The following CEP164 variants were observed in gnomAD, a reference collection of about 807,000 sequenced individuals.
CEP164 encodes centrosomal protein of 164 kDa.
Under a neutral mutation model 182.7 loss-of-function variants are expected in CEP164, and 162 were observed. The observed-to-expected ratio is 0.89, with a 90% CI of 0.78 to 1.01. CEP164 has a LOEUF of 1.01. Ranked by LOEUF, CEP164 falls within the 50% of genes least tolerant of loss-of-function variation. The pLI is 0.00. For missense variants in CEP164, 1,735 were observed against 1,790.4 expected (o/e 0.97, Z 0.56); for synonymous variants, 661 against 690.0 (o/e 0.96, Z 0.66).
intron 27 of CEP164, among the ~76,000 whole-genome samples, chr11:117,399,772 C>T (rs952279712): frequency 2.4e-4 from 36 of 152,078 alleles, no homozygotes; most frequent in African/African-American, 8.0e-4. Context: ...TTGTTGGCTG[C>T]GTAAATGTCT....
chr11:117,346,770 A>T (rs956320451), intron 4 of CEP164, among the ~76,000 whole-genome samples: 4 of 151,848 alleles, frequency 2.6e-5, no homozygotes, highest in African/African-American at 9.7e-5. Flanking sequence ...AAGTTGAGTT[A>T]GGAGGATCGC....
chr11:117,342,676 A>G (rs1046949225), intron 3 of CEP164, among the ~76,000 whole-genome samples: 4 of 151,788 alleles, frequency 2.6e-5, no homozygotes, highest in East Asian at 2.0e-4. Flanking sequence ...AGGTTTCTCC[A>G]TGTTGCCCAA....
At chr11:117,353,676 C>T (rs2039945382) in intron 5 of CEP164, among the ~76,000 whole-genome samples, 1 of 152,128 alleles carries the variant, frequency 6.6e-6, no homozygotes, top group Non-Finnish European at 1.5e-5. Flanking sequence ...AGGACAGGTG[C>T]CTCAAATGTG....
Position 117,411,220 on chromosome 11 carries a change from C to T in CEP164, c.4163+326C>T, listed in dbSNP as rs1246102624. 1 of 334,912 alleles carries T rather than the reference C, an allele frequency of 3.0e-6. No individual in the cohort carries two copies. Among genetic ancestry groups the T allele is most frequent in the African/African-American group, 2.1e-5 (1 of 48,552 alleles). The allele number at this position is 334,912 out of a possible 1,614,324, so 20.7% of individuals were successfully genotyped here. A position where few individuals can be genotyped will look rare whatever the true frequency, so the allele number is the denominator to read the frequency against. ...CCCTGCCCCCGCCCCTCCCTCTAGC[C>T]CCTCCAGCCCCGGAGTCTGGCCTTT... is the stretch of plus-strand genomic sequence containing the variant. On this transcript the variant is annotated intron_variant, in intron 31 of 32. Coordinates refer to ENST00000278935, the MANE Select transcript of CEP164 (RefSeq NM_014956.5). This position sits in a 1 kb window ranked among gnomAD's most constrained non-coding sequence, Gnocchi z 4.4.
intron 4 of CEP164, among the ~76,000 whole-genome samples, chr11:117,345,102 G>A (rs952201978): frequency 1.3e-5 from 2 of 152,194 alleles, no homozygotes. Context: ...ACCTATTCAT[G>A]AATAGGTTCA....
intron 5 of CEP164, among the ~76,000 whole-genome samples, chr11:117,359,992 C>A (rs762936964): frequency 2.4e-4 from 37 of 152,176 alleles, no homozygotes; most frequent in Non-Finnish European, 1.0e-4. Flanking sequence ...CCCTTGCTTG[C>A]AGGAAGGAGA....
intron 27 of CEP164, among the ~76,000 whole-genome samples, chr11:117,406,551 A>G (rs1166823862): frequency 2.0e-5 from 3 of 152,248 alleles, no homozygotes; most frequent in Non-Finnish European, 4.4e-5. Context: ...AATGTTTAGT[A>G]CTTTCAAACC....
At chr11:117,410,336 A>G (rs1592519461) in intron 30 of CEP164, 3 of 341,250 alleles carry the variant, frequency 8.8e-6, no homozygotes, top group Non-Finnish European at 1.1e-5. Flanking sequence ...CAGTTTATAT[A>G]TATTTTTTCA....
Position 117,393,086 on chromosome 11 carries a change from A to G in CEP164, c.2576A>G (p.Gln859Arg). 6.2e-7 allele frequency: 1 copy of G among 1,613,740 alleles called. No individual in the cohort carries two copies. Among genetic ancestry groups the G allele is most frequent in the Non-Finnish European group, 8.5e-7 (1 of 1,179,884 alleles). ...TTGGACAAGATGAAGGAGGAGCACCAGCAAGTGATGGCTAAGGCCAGAGAG... is the reference window on the plus strand; with the variant it reads ...TTGGACAAGATGAAGGAGGAGCACCGGCAAGTGATGGCTAAGGCCAGAGAG... ...RRLDKMKEEHQQVMAKAREQY... is the reference protein window; with the variant it reads ...RRLDKMKEEHRQVMAKAREQY... The change falls in exon 20 of 33, where the codon CAG becomes CGG. Residue 859 changes from glutamine (Q) to arginine (R), a missense_variant. Transcript: ENST00000278935.
At chr11:117,388,517 C>T (rs189585864) in intron 15 of CEP164, among the ~76,000 whole-genome samples, 83 of 152,322 alleles carry the variant, frequency 5.4e-4, no homozygotes, top group African/African-American at 1.8e-3. Flanking sequence ...CTTCCGTCTG[C>T]TGGGAACTTC....
chr11:117,373,632 G>T (rs2042442760), intron 9 of CEP164, 119 bp from the exon 10 acceptor site: 2 of 806,382 alleles, frequency 2.5e-6, no homozygotes, highest in Non-Finnish European at 2.1e-6. Context: ...AAGAAGAGTG[G>T]ATTTCAGTTT....
rs370550046 is a variant in CEP164, at chr11:117,329,317, T to C, written c.-98+1413T>C. Among the ~76,000 whole-genome samples, 5 of 152,288 alleles carry C rather than the reference T, an allele frequency of 3.3e-5. No homozygotes were observed. The East Asian group carries it at 9.6e-4, about 29-fold the overall frequency. On this transcript the variant is annotated intron_variant, in intron 1 of 32. Coordinates refer to ENST00000278935, the MANE Select transcript of CEP164 (RefSeq NM_014956.5). ...CATGCCAGTCTCCTTTGTGAAATCC[T>C]GTGATGGCCCCTCATCATTTACAGG...
intron 11 of CEP164, among the ~76,000 whole-genome samples, chr11:117,377,156 TC>T (rs1387795977): frequency 6.7e-6 from 1 of 149,744 alleles, no homozygotes; most frequent in Non-Finnish European, 1.5e-5. Flanking sequence ...CTTTTTGGCA[TC>T]AGGGACCAGT....
At chr11:117,408,433 G>T (rs890545045) in intron 28 of CEP164, 10 of 233,304 alleles carry the variant, frequency 4.3e-5, no homozygotes, top group Non-Finnish European at 7.7e-5. Context: ...TGTAGCGGGG[G>T]AGGCTTAGGT....
intron 27 of CEP164, among the ~76,000 whole-genome samples, chr11:117,407,424 C>T (rs1453023853): frequency 8.0e-6 from 1 of 124,570 alleles, no homozygotes; most frequent in East Asian, 2.4e-4. Flanking sequence ...ATTTTGAGAC[C>T]AGCCTGGCCA....
rs368262589 is a variant in CEP164, at chr11:117,397,109, C to G, written c.3297C>G (p.Val1099=). ...LYLDSLSSHN[V]WHLLSAEGVA... Reference sequence around the variant, plus strand: ...GCTCCAGCCTGTCCTCCCACAATGTCTGGCACCTCCTCTCTGCTGAGGGGG... The same window carrying G: ...GCTCCAGCCTGTCCTCCCACAATGTGTGGCACCTCCTCTCTGCTGAGGGGG... Residue 1099 remains valine (V), a synonymous_variant, in exon 27 of 33, where the codon GTC becomes GTG. Transcript: ENST00000278935. 6 of 1,613,956 alleles carry G rather than the reference C, an allele frequency of 3.7e-6. No individual in the cohort carries two copies. Among genetic ancestry groups the G allele is most frequent in the Admixed American group, 3.3e-5 (2 of 60,006 alleles).
intron 27 of CEP164, among the ~76,000 whole-genome samples, chr11:117,398,744 T>C (rs2045805817): frequency 6.6e-6 from 1 of 152,188 alleles, no homozygotes; most frequent in Non-Finnish European, 1.5e-5. Flanking sequence ...CTGGAGTGGC[T>C]GGGATGCAGG....
chr11:117,322,704 T>C (rs2035293044), intron 1 of CEP164, among the ~76,000 whole-genome samples: 2 of 151,250 alleles, frequency 1.3e-5, no homozygotes, highest in South Asian at 4.2e-4. Flanking sequence ...TATAGGCATG[T>C]GTCACCACGC....
rs1447006517 is a variant in CEP164, at chr11:117,338,549, G to T, written c.-21-17G>T. On this transcript the variant is annotated splice_polypyrimidine_tract_variant and intron_variant, in intron 2 of 32. Transcript: ENST00000278935. ...GTCACTGATTTTTCTCTTTTGGTGG[G>T]GGCCTCTGGGATCTAGGTGTTTGAG... The T allele has an allele frequency of 6.4e-7, 1 of 1,565,862 alleles. No homozygotes were observed. The highest frequency in any genetic ancestry group is 1.7e-5 in the Admixed American group (1 of 59,762).
Sources: allele counts gnomAD v4.1 joint callset (sites outside exome capture counted in the v4.1 genomes callset), GRCh38; gene constraint gnomAD v4.1.1; non-coding constraint Gnocchi (gnomAD v3.1); transcripts MANE v1.5; gene names NCBI Gene and HGNC (gene_info 2026-07-23, HGNC 2026-07-21).